The following ZNRF1 variants were observed in gnomAD, a reference collection of about 807,000 sequenced individuals.
The protein encoded by ZNRF1 is E3 ubiquitin-protein ligase ZNRF1.
A neutral mutation model predicts 18.4 loss-of-function variants in ZNRF1; 3 were observed. The observed-to-expected ratio is 0.16, with a 90% CI of 0.07 to 0.42. ZNRF1 has a LOEUF of 0.42. Ranked by LOEUF, ZNRF1 falls within the 10% of genes least tolerant of loss-of-function variation. The pLI, the probability that ZNRF1 is intolerant of heterozygous loss-of-function variation, is 0.99. For synonymous variants in ZNRF1, 157 were observed against 144.2 expected, an observed-to-expected ratio of 1.09 and a Z score of -0.64; for missense variants, 310 against 329.8, an observed-to-expected ratio of 0.94 and a Z score of 0.47.
intron 1 of ZNRF1, among the ~76,000 whole-genome samples, chr16:75,015,193 G>A (rs2035050597): frequency 6.6e-6 from 1 of 152,040 alleles, no homozygotes; most frequent in Non-Finnish European, 1.5e-5. Flanking sequence ...TGCATTTTAT[G>A]TGTTAAGAAA....
chr16:75,031,413 C>G lies in ZNRF1; in HGVS notation c.424+31318C>G, dbSNP rs533017866. 5.3e-5 allele frequency among the ~76,000 whole-genome samples: 8 copies of G among 152,258 alleles called. No homozygotes were observed. In the East Asian group the frequency reaches 1.5e-3, roughly 29 times the overall value. The stretch of plus-strand genomic sequence containing the variant: ...CCAAAGTGCTGGGATTACAGGGGAG[C>G]CACCGTGCCCGGCCATGTCCAAATT... On this transcript the variant is annotated intron_variant, in intron 1 of 4. Transcript: ENST00000335325.
At chr16:75,016,527 A>G (rs2035071824) in intron 1 of ZNRF1, among the ~76,000 whole-genome samples, 1 of 150,204 alleles carries the variant, frequency 6.7e-6, no homozygotes. Flanking sequence ...GGCTTGAGCC[A>G]CTGCACCCAG....
intron 1 of ZNRF1, among the ~76,000 whole-genome samples, chr16:75,071,458 C>A (rs1367112410): frequency 6.6e-6 from 1 of 152,162 alleles, no homozygotes; most frequent in Admixed American, 6.5e-5. Flanking sequence ...CAAGGGCCGT[C>A]AATCCAAATG....
intron 1 of ZNRF1, among the ~76,000 whole-genome samples, chr16:75,075,654 C>T (rs184756546): frequency 1.3e-5 from 2 of 152,312 alleles, no homozygotes; most frequent in East Asian, 3.9e-4. Context: ...ATATGCCAGG[C>T]TCTAGGGCTA....
chr16:75,026,631 T>C (rs1395590734), intron 1 of ZNRF1, among the ~76,000 whole-genome samples: 1 of 152,084 alleles, frequency 6.6e-6, no homozygotes, highest in Non-Finnish European at 1.5e-5. Context: ...ATCGTAACAG[T>C]AGTATGTAAT....
chr16:75,022,190 G>T (rs1049153907), intron 1 of ZNRF1, among the ~76,000 whole-genome samples: 5 of 152,074 alleles, frequency 3.3e-5, no homozygotes, highest in African/African-American at 7.2e-5. Context: ...AGGAGGCGGA[G>T]GTTGCAGTGA....
At chr16:75,032,384 C>T (rs913154201) in intron 1 of ZNRF1, among the ~76,000 whole-genome samples, 2 of 152,058 alleles carry the variant, frequency 1.3e-5, no homozygotes, top group African/African-American at 4.8e-5. Context: ...GCTGGGATTA[C>T]AGGCATGAGC....
intron 1 of ZNRF1, among the ~76,000 whole-genome samples, chr16:75,019,895 T>C (rs374707810): frequency 8.5e-5 from 13 of 152,262 alleles, no homozygotes; most frequent in African/African-American, 3.1e-4. Context: ...CTGCTAATTT[T>C]TGTGTTTTTT....
At chr16:75,048,911 CT>C (rs1212639570) in intron 1 of ZNRF1, among the ~76,000 whole-genome samples, 1 of 152,110 alleles carries the variant, frequency 6.6e-6, no homozygotes, top group Admixed American at 6.6e-5. Context: ...AATGACTATC[CT>C]TTTCATTTCA....
At chr16:75,107,353 C>T (rs2036329497) in intron 4 of ZNRF1, 1 of 203,862 alleles carries the variant, frequency 4.9e-6, no homozygotes, top group African/African-American at 2.4e-5. Context: ...ATCTCACAGC[C>T]AAAGGTTTTG....
At chr16:75,038,184 T>C (rs1231847461) in intron 1 of ZNRF1, among the ~76,000 whole-genome samples, 2 of 152,190 alleles carry the variant, frequency 1.3e-5, no homozygotes, top group Non-Finnish European at 2.9e-5. Flanking sequence ...TTCTATGACT[T>C]GGGAATTCAG....
At chr16:75,106,199 G>T (rs2036313977) in intron 3 of ZNRF1, 1 of 421,792 alleles carries the variant, frequency 2.4e-6, no homozygotes, top group African/African-American at 2.0e-5. Flanking sequence ...GCTCTGCACA[G>T]AAAGCTTTGG....
At chr16:75,053,338 C>G (rs2035629089) in intron 1 of ZNRF1, among the ~76,000 whole-genome samples, 1 of 152,098 alleles carries the variant, frequency 6.6e-6, no homozygotes, top group African/African-American at 2.4e-5. Context: ...CCTGTAATCC[C>G]AGCACTTTGG....
intron 1 of ZNRF1, among the ~76,000 whole-genome samples, chr16:75,092,273 A>G (rs1011735723): frequency 6.6e-6 from 1 of 152,092 alleles, no homozygotes; most frequent in Non-Finnish European, 1.5e-5. Context: ...GAGGAGGAGG[A>G]GGAGGGGTTG....
At chr16:75,012,272 C>T (rs1250609520) in intron 1 of ZNRF1, among the ~76,000 whole-genome samples, 2 of 152,178 alleles carry the variant, frequency 1.3e-5, no homozygotes, top group Non-Finnish European at 2.9e-5. Context: ...TCAATTAAAA[C>T]ACCGTTGTAG....
At chr16:75,079,793 G>C (rs1044181754) in intron 1 of ZNRF1, among the ~76,000 whole-genome samples, 1 of 152,216 alleles carries the variant, frequency 6.6e-6, no homozygotes, top group Non-Finnish European at 1.5e-5. Context: ...TGGAGGTGCA[G>C]CTGAACAGAG....
At chr16:75,070,469 A>C (rs2035857315) in intron 1 of ZNRF1, among the ~76,000 whole-genome samples, 1 of 152,116 alleles carries the variant, frequency 6.6e-6, no homozygotes, top group African/African-American at 2.4e-5. Context: ...CTTGCCCCCG[A>C]TCCTGCTTTC....
chr16:75,012,746 G>A (rs901289390), intron 1 of ZNRF1, among the ~76,000 whole-genome samples: 6 of 152,166 alleles, frequency 3.9e-5, no homozygotes, highest in Admixed American at 3.3e-4. Flanking sequence ...CGGGACTCAT[G>A]TCTGAACCAC....
chr16:75,030,593 G>A (rs576845918), intron 1 of ZNRF1, among the ~76,000 whole-genome samples: 2 of 152,132 alleles, frequency 1.3e-5, no homozygotes, highest in African/African-American at 4.8e-5. Flanking sequence ...ATAAATTTTA[G>A]AACCTTTTTT....
Sources: gnomAD v4.1 joint callset for allele counts (sites outside exome capture counted in the v4.1 genomes callset) on GRCh38, gnomAD v4.1.1 for gene constraint, MANE v1.5 for transcripts, NCBI Gene and HGNC (gene_info 2026-07-23, HGNC 2026-07-21) for gene names.